Variants in ANKS1A observed in about 807,000 individuals in gnomAD.
ANKS1A encodes ankyrin repeat and sterile alpha motif domain containing 1A, also known as ankyrin repeat and SAM domain-containing protein 1A.
Under a neutral mutation model 120.3 loss-of-function variants are expected in ANKS1A, and 55 were observed. The ratio of observed to expected loss-of-function variants is 0.46; its 90% CI spans 0.37 to 0.57. The LOEUF (loss-of-function observed/expected upper bound fraction) is 0.57, where lower values mean the gene tolerates loss of function less well. ANKS1A is among the 20% of genes least tolerant of loss of function. The pLI, the probability that ANKS1A is intolerant of heterozygous loss-of-function variation, is 0.00. For missense variants in ANKS1A, 1,123 were observed against 1,480.3 expected (o/e 0.76, Z 3.96); for synonymous variants, 590 against 604.7 (o/e 0.98, Z 0.36).
chr6:34,901,366 G>T (rs76460952), intron 1 of ANKS1A, among the ~76,000 whole-genome samples: 6,750 of 152,182 alleles, frequency 0.044, 274 homozygotes, highest in African/African-American at 0.11. Flanking sequence ...TTGAAGCCTA[G>T]GATTATGGGA....
At chr6:35,004,646 G>C (rs945124316) in intron 10 of ANKS1A, among the ~76,000 whole-genome samples, 24 of 150,140 alleles carry the variant, frequency 1.6e-4, no homozygotes, top group Admixed American at 1.3e-3. Context: ...GGCTGGGCGT[G>C]GTGGCTCACA....
At chr6:35,070,732 C>T in intron 13 of ANKS1A, 1 of 256,544 alleles carries the variant, frequency 3.9e-6, no homozygotes, top group Non-Finnish European at 7.5e-6. Context: ...GATCTGCCTG[C>T]CTCGGCCTCC....
intron 1 of ANKS1A, among the ~76,000 whole-genome samples, chr6:34,955,883 T>G (rs1002826710): frequency 6.6e-6 from 1 of 152,224 alleles, no homozygotes; most frequent in African/African-American, 2.4e-5. Flanking sequence ...GGCGCTTAAT[T>G]CTTTGTATGC....
At chr6:34,905,186 G>A (rs1287269930) in intron 1 of ANKS1A, among the ~76,000 whole-genome samples, 2 of 152,344 alleles carry the variant, frequency 1.3e-5, no homozygotes, top group African/African-American at 4.8e-5. Context: ...CTGGCATTAG[G>A]TTTCCTCATT....
At position 34,889,360 on chromosome 6, in the gene ANKS1A, C is replaced by T. The variant is rs1334947008; in HGVS notation, c.-43C>T. ...AGTTTGGGAGCCCGAGCAGGCTCGG[C>T]TGCAGCCTCGGGGAGGGGGTCCAGC... On this transcript the variant is annotated 5_prime_UTR_variant, in exon 1 of 24. Transcript: ENST00000360359. The surrounding 1 kb of genome is among the most constrained non-coding windows in gnomAD (Gnocchi z 5.5). 2.4e-6 allele frequency: 3 copies of T among 1,246,920 alleles called. No homozygotes were observed. Among genetic ancestry groups the T allele is most frequent in the African/African-American group, 3.1e-5 (2 of 64,266 alleles). 77.2% of individuals were successfully genotyped at this position (1,246,920 alleles called of 1,614,324 possible). A position where few individuals can be genotyped will look rare whatever the true frequency, so the allele number is the denominator to read the frequency against.
chr6:34,918,187 CAT>C (rs1459373739), intron 1 of ANKS1A, among the ~76,000 whole-genome samples: 1 of 152,178 alleles, frequency 6.6e-6, no homozygotes, highest in Admixed American at 6.5e-5. Context: ...TGTAGAATTC[CAT>C]GCAGATGTGG....
chr6:35,067,252 C>A (rs926686356), intron 13 of ANKS1A, among the ~76,000 whole-genome samples: 1 of 152,178 alleles, frequency 6.6e-6, no homozygotes, highest in African/African-American at 2.4e-5. Flanking sequence ...GCCCCCACCC[C>A]CGGGCCAGCC....
In ANKS1A at chr6:35,060,518, C is replaced by A. The variant is rs1776443762; in HGVS notation, c.2184+265C>A. ...TTCCCAAGAAGGAGGGTCCCTGATT[C>A]AGCCCTGTGTCCCCTCCCTGGCTGT... On this transcript the variant is annotated intron_variant, in intron 13 of 23. Coordinates refer to ENST00000360359, the MANE Select transcript of ANKS1A (RefSeq NM_015245.3). This position sits in a 1 kb window ranked among gnomAD's most constrained non-coding sequence, Gnocchi z 4.5. Among the ~76,000 whole-genome samples, 1 of 152,248 alleles carries A rather than the reference C, an allele frequency of 6.6e-6. No homozygotes were observed. Among genetic ancestry groups the A allele is most frequent in the Non-Finnish European group, 1.5e-5 (1 of 68,046 alleles).
At chr6:35,062,874 T>TA (rs1240328858) in intron 13 of ANKS1A, among the ~76,000 whole-genome samples, 2 of 152,230 alleles carry the variant, frequency 1.3e-5, no homozygotes, top group Non-Finnish European at 2.9e-5. Flanking sequence ...AGAGCATTCT[T>TA]TATATTGAGT....
At chr6:35,000,547 T>G (rs1773112917) in intron 10 of ANKS1A, among the ~76,000 whole-genome samples, 1 of 152,000 alleles carries the variant, frequency 6.6e-6, no homozygotes, top group African/African-American at 2.4e-5. Context: ...TATAGTAAAT[T>G]CTTGTCCTGA....
At chr6:35,081,543 C>G (rs1484055568) in intron 17 of ANKS1A, among the ~76,000 whole-genome samples, 1 of 152,204 alleles carries the variant, frequency 6.6e-6, no homozygotes, top group Non-Finnish European at 1.5e-5. Flanking sequence ...TGGCCCCTTC[C>G]TTCTCTGCTT....
chr6:35,006,221 G>T (rs995059892), intron 10 of ANKS1A, among the ~76,000 whole-genome samples: 1 of 149,536 alleles, frequency 6.7e-6, no homozygotes, highest in Non-Finnish European at 1.5e-5. Context: ...AGAATTAGGC[G>T]TGATATCACA....
At chr6:35,012,781 A>G (rs75356515) in intron 10 of ANKS1A, among the ~76,000 whole-genome samples, 1,727 of 152,310 alleles carry the variant, frequency 0.011, 38 homozygotes, top group African/African-American at 0.036. Flanking sequence ...GGGAATTAGC[A>G]TGCTGGTGTG....
chr6:34,890,348 C>T (rs557624952), intron 1 of ANKS1A, among the ~76,000 whole-genome samples: 1 of 152,300 alleles, frequency 6.6e-6, no homozygotes, highest in African/African-American at 2.4e-5. Flanking sequence ...CCTCGGCTTC[C>T]CAAAGTGCTG....
chr6:35,083,035 G>A, intron 18 of ANKS1A, 120 bp from the exon 19 acceptor site: 1 of 1,349,108 alleles, frequency 7.4e-7, no homozygotes, highest in African/African-American at 1.4e-5. Flanking sequence ...TGGGGCAGGA[G>A]AGGGGGTGTT....
rs547241301 is a variant in ANKS1A, at chr6:34,939,973, A to G, written c.198-27266A>G. Among the ~76,000 whole-genome samples, 4 of 152,222 alleles carry G rather than the reference A, an allele frequency of 2.6e-5. No individual in the cohort carries two copies. The South Asian group carries it at 8.3e-4, about 31-fold the overall frequency. Reference sequence around the variant, plus strand: ...GGGCAGTGGCTTTGGGGGAAGCGCTATAGTGTGAGCACAATGAATTTTGGT... The same window carrying G: ...GGGCAGTGGCTTTGGGGGAAGCGCTGTAGTGTGAGCACAATGAATTTTGGT... On this transcript the variant is annotated intron_variant, in intron 1 of 23. Coordinates refer to ENST00000360359, the MANE Select transcript of ANKS1A (RefSeq NM_015245.3).
the ANKS1A span, among the ~76,000 whole-genome samples, chr6:35,097,658 A>C: frequency 7.4e-5 from 10 of 135,096 alleles, no homozygotes; most frequent in African/African-American, 2.0e-4. Context: ...AAAAAAAAAA[A>C]CACATACACA....
At chr6:35,051,216 A>G (rs760292767) in intron 11 of ANKS1A, among the ~76,000 whole-genome samples, 7 of 152,088 alleles carry the variant, frequency 4.6e-5, no homozygotes, top group Non-Finnish European at 8.8e-5. Flanking sequence ...AAGAAAAGAA[A>G]AGAAACCTGG....
In ANKS1A at chr6:34,977,400, T is replaced by A. The variant is rs1311662187; in HGVS notation, c.436-4290T>A. Reference sequence around the variant, plus strand: ...AACCTACTACTAGCATTTTAGCATTTTTTTTTTTTTTTTAGTTCCCATGTA... The same window carrying A: ...AACCTACTACTAGCATTTTAGCATTATTTTTTTTTTTTTAGTTCCCATGTA... On this transcript the variant is annotated intron_variant, in intron 3 of 23. Transcript: ENST00000360359. Among the ~76,000 whole-genome samples the A allele has an allele frequency of 6.1e-5, 9 of 146,834 alleles. 1 individual carries two copies. Among genetic ancestry groups the A allele is most frequent in the Admixed American group, 5.5e-4 (8 of 14,676 alleles).
Sources: gnomAD v4.1 joint callset for allele counts (sites outside exome capture counted in the v4.1 genomes callset) on GRCh38, gnomAD v4.1.1 for gene constraint, Gnocchi (gnomAD v3.1) non-coding constraint, MANE v1.5 for transcripts, NCBI Gene and HGNC (gene_info 2026-07-23, HGNC 2026-07-21) for gene names.